Variants in SNCAIP observed in about 807,000 individuals in gnomAD.
SNCAIP encodes synphilin-1.
In SNCAIP, 43 loss-of-function variants were observed where a neutral mutation model predicts 86.7. The observed-to-expected ratio is 0.50, with a 90% CI of 0.39 to 0.64. The LOEUF (loss-of-function observed/expected upper bound fraction) is 0.64. Ranked by LOEUF, SNCAIP falls within the 30% of genes least tolerant of loss-of-function variation. The probability of loss-of-function intolerance (pLI) is 0.00; values close to 1 mark genes in which losing one functional copy is unlikely to be tolerated. For missense variants in SNCAIP, 981 were observed against 1,103.1 expected (o/e 0.89, Z 1.57); for synonymous variants, 417 against 427.2 (o/e 0.98, Z 0.29).
Position 122,450,646 on chromosome 5 carries a change from G to A in SNCAIP, c.1799G>A (p.Ser600Asn), listed in dbSNP as rs769245825. 2.0e-5 allele frequency: 33 copies of A among 1,613,952 alleles called. No homozygotes were observed. In the Admixed American group the frequency reaches 5.5e-4, roughly 27 times the overall value. Residue 600 changes from serine (S) to asparagine (N), a missense_variant, in exon 10 of 11, where the codon AGC (serine) becomes AAC (asparagine). Ser to Asn is a conservative substitution (Grantham distance 46). Transcript: ENST00000261368. ...CAAGAGGGGATTCAGGTTCTTGGAA[G>A]CCTGTCAGCCTCCAGCCGGGCTAGA... ...GVQEGIQVLG[S>N]LSASSRARPK...
At chr5:122,447,646 A>G (rs1269133151) in intron 8 of SNCAIP, among the ~76,000 whole-genome samples, 1 of 152,224 alleles carries the variant, frequency 6.6e-6, no homozygotes, top group Non-Finnish European at 1.5e-5. Context: ...GCAAAGTGGG[A>G]AAAGTAGAAT....
chr5:122,345,337 A>G (rs1391049485), intron 1 of SNCAIP, among the ~76,000 whole-genome samples: 1 of 152,216 alleles, frequency 6.6e-6, no homozygotes, highest in Non-Finnish European at 1.5e-5. Context: ...GTTAGTAAAA[A>G]TAATGGATTT....
intron 8 of SNCAIP, among the ~76,000 whole-genome samples, chr5:122,445,200 A>T (rs540083310): frequency 8.3e-4 from 127 of 152,364 alleles, no homozygotes; most frequent in South Asian, 3.9e-3. Context: ...TAACTTGGTG[A>T]CTATCACCAG....
At chr5:122,429,895 G>T (rs1343511541) in intron 5 of SNCAIP, among the ~76,000 whole-genome samples, 1 of 152,096 alleles carries the variant, frequency 6.6e-6, no homozygotes, top group Non-Finnish European at 1.5e-5. Flanking sequence ...TTACTTTTGG[G>T]CTTTTTAAGG....
At chr5:122,363,684 T>TA (rs11397559) in intron 1 of SNCAIP, among the ~76,000 whole-genome samples, 105,748 of 147,788 alleles carry the variant, frequency 0.72, 38,035 homozygotes, top group East Asian at 0.82. Context: ...GGTAAGGAGT[T>TA]AAAAAAAAAA....
chr5:122,375,556 C>T (rs1250659817), intron 1 of SNCAIP, among the ~76,000 whole-genome samples: 1 of 147,908 alleles, frequency 6.8e-6, no homozygotes, highest in Non-Finnish European at 1.5e-5. Flanking sequence ...TATCCCCAAA[C>T]TGAGACCTGG....
At chr5:122,428,352 G>A (rs1777750692) in intron 5 of SNCAIP, among the ~76,000 whole-genome samples, 2 of 152,048 alleles carry the variant, frequency 1.3e-5, no homozygotes, top group South Asian at 4.1e-4. Context: ...TATATTTATG[G>A]CAAGTAATAC....
intron 8 of SNCAIP, among the ~76,000 whole-genome samples, chr5:122,448,116 T>A (rs1352923360): frequency 6.6e-6 from 1 of 152,220 alleles, no homozygotes; most frequent in Non-Finnish European, 1.5e-5. Flanking sequence ...TAATCGTTGC[T>A]GAGTATATGC....
rs189562625 is a variant in SNCAIP, at chr5:122,463,749, T to A, written c.*253T>A. On this transcript the variant is annotated 3_prime_UTR_variant, in exon 11 of 11. Transcript: ENST00000261368. Reference sequence around the variant, plus strand: ...GTAAAAGATTCATTTTGGGGTGATATCTGTATATATAACTTGTTTTTTTAA... The same window carrying A: ...GTAAAAGATTCATTTTGGGGTGATAACTGTATATATAACTTGTTTTTTTAA... 74 of 468,748 alleles carry A rather than the reference T, an allele frequency of 1.6e-4. 2 individuals carry two copies. Among genetic ancestry groups the A allele is most frequent in the African/African-American group, 1.3e-3 (68 of 50,836 alleles). The allele number at this position is 468,748 out of a possible 1,614,324, so 29.0% of individuals were successfully genotyped here.
At chr5:122,431,560 A>G (rs529869729) in intron 5 of SNCAIP, among the ~76,000 whole-genome samples, 57 of 152,226 alleles carry the variant, frequency 3.7e-4, no homozygotes, top group Admixed American at 1.3e-3. Flanking sequence ...AAATGAGAGG[A>G]GGGTGAGAAC....
intron 2 of SNCAIP, among the ~76,000 whole-genome samples, chr5:122,400,514 G>A (rs898128801): frequency 6.6e-6 from 1 of 152,194 alleles, no homozygotes; most frequent in Non-Finnish European, 1.5e-5. Flanking sequence ...TTTCCCTCAA[G>A]TGCTTATGGA....
chr5:122,452,862 G>T, intron 10 of SNCAIP: 3 of 1,004,766 alleles, frequency 3.0e-6, no homozygotes, highest in Non-Finnish European at 1.5e-6. Flanking sequence ...ATGTTTACTG[G>T]GACTTGTGCA....
At chr5:122,353,881 A>G (rs1225457922) in intron 1 of SNCAIP, among the ~76,000 whole-genome samples, 6 of 152,196 alleles carry the variant, frequency 3.9e-5, no homozygotes, top group African/African-American at 1.4e-4. Flanking sequence ...AGAATGGGGT[A>G]GGGGTGAGCC....
At chr5:122,362,929 A>G (rs1166168463) in intron 1 of SNCAIP, among the ~76,000 whole-genome samples, 1 of 152,194 alleles carries the variant, frequency 6.6e-6, no homozygotes, top group East Asian at 1.9e-4. Flanking sequence ...CAAGAGGGAA[A>G]GAACCTAAAG....
rs112756414 is a variant in SNCAIP at position 122,342,283 on chromosome 5, G to A, written c.-47+29999G>A. ...CTGGAGGACTGAGCTGAGCAGTTTG[G>A]GGAATGGAAGAGTGGAACCAGCAAC... On this transcript the variant is annotated intron_variant, in intron 1 of 10. Coordinates refer to ENST00000261368, the MANE Select transcript of SNCAIP (RefSeq NM_005460.4). Among the ~76,000 whole-genome samples the A allele has an allele frequency of 8.4e-3, 1,274 of 152,170 alleles. 12 individuals carry two copies. Among genetic ancestry groups the A allele is most frequent in the African/African-American group, 0.028 (1,179 of 41,510 alleles).
In SNCAIP at chr5:122,450,886, C is replaced by T; in HGVS notation, c.2039C>T (p.Thr680Ile). 1 of 1,614,098 alleles carries T rather than the reference C, an allele frequency of 6.2e-7. No homozygotes were observed. The highest frequency in any genetic ancestry group is 8.5e-7 in the Non-Finnish European group (1 of 1,179,994). ...CAGAGGTCACTGAGTGAGTCTGACA[C>T]AGACTCCAACAACTCTGAGGACCCC... ...LMQRSLSESD[T>I]DSNNSEDPKT... Residue 680 changes from threonine (T) to isoleucine (I), a missense_variant, in exon 10 of 11, where the codon ACA becomes ATA. Transcript: ENST00000261368.
intron 1 of SNCAIP, among the ~76,000 whole-genome samples, chr5:122,382,780 A>C (rs1767147470): frequency 6.6e-6 from 1 of 152,174 alleles, no homozygotes; most frequent in Non-Finnish European, 1.5e-5. Context: ...CCTCAGCTGC[A>C]GGTCTGTTGG....
chr5:122,415,990 C>T (rs1775234171), intron 3 of SNCAIP, among the ~76,000 whole-genome samples: 1 of 152,156 alleles, frequency 6.6e-6, no homozygotes. Flanking sequence ...CTTTCTGCAC[C>T]CCACCAATTG....
chr5:122,434,519 G>T (rs1180935493), intron 6 of SNCAIP, among the ~76,000 whole-genome samples: 1 of 152,156 alleles, frequency 6.6e-6, no homozygotes, highest in Admixed American at 6.5e-5. Flanking sequence ...TATGGAAATT[G>T]GTGACCTGTT....
Sources: allele counts gnomAD v4.1 joint callset (sites outside exome capture counted in the v4.1 genomes callset), GRCh38; gene constraint gnomAD v4.1.1; transcripts MANE v1.5; gene names NCBI Gene and HGNC (gene_info 2026-07-23, HGNC 2026-07-21).